ZRANB3: variants seen among roughly 807,000 people sequenced by gnomAD.
The protein encoded by ZRANB3 is DNA annealing helicase and endonuclease ZRANB3.
Under a neutral mutation model 133.8 loss-of-function variants are expected in ZRANB3, and 125 were observed. That is an observed-to-expected ratio of 0.93 (90% CI 0.81 to 1.08). The LOEUF (loss-of-function observed/expected upper bound fraction) is 1.08. Ranked by LOEUF, ZRANB3 falls within the 50% of genes least tolerant of loss-of-function variation. ZRANB3 has a pLI of 0.00. For synonymous variants in ZRANB3, 387 were observed against 432.7 expected, an observed-to-expected ratio of 0.89 and a Z score of 1.31; for missense variants, 1,229 against 1,275.5, an observed-to-expected ratio of 0.96 and a Z score of 0.56.
At chr2:135,477,931 T>C (rs115342369) in intron 2 of ZRANB3, among the ~76,000 whole-genome samples, 1 of 152,066 alleles carries the variant, frequency 6.6e-6, no homozygotes, top group East Asian at 1.9e-4. Flanking sequence ...GAAGGTTGCA[T>C]TGAGCCATGA....
At chr2:135,410,382 G>C (rs1688250796) in intron 2 of ZRANB3, among the ~76,000 whole-genome samples, 1 of 152,072 alleles carries the variant, frequency 6.6e-6, no homozygotes, top group South Asian at 2.1e-4. Context: ...ACAAGCAATG[G>C]GGAAAGGACT....
At chr2:135,461,149 T>A (rs946644640) in intron 2 of ZRANB3, among the ~76,000 whole-genome samples, 10 of 152,196 alleles carry the variant, frequency 6.6e-5, no homozygotes, top group African/African-American at 2.4e-4. Context: ...GTGAAAACTT[T>A]ATATAATCAC....
intron 15 of ZRANB3, among the ~76,000 whole-genome samples, chr2:135,221,861 G>A (rs1251211684): frequency 6.6e-6 from 1 of 152,156 alleles, no homozygotes; most frequent in Non-Finnish European, 1.5e-5. Context: ...GGTTCTTGGT[G>A]TCTCTCTCTC....
At chr2:135,471,267 T>C (rs1000189415) in intron 2 of ZRANB3, among the ~76,000 whole-genome samples, 1 of 152,200 alleles carries the variant, frequency 6.6e-6, no homozygotes, top group African/African-American at 2.4e-5. Flanking sequence ...CTGGTATTCT[T>C]GGGATCTTTC....
intron 12 of ZRANB3, among the ~76,000 whole-genome samples, chr2:135,260,789 C>T (rs1321393235): frequency 1.4e-5 from 2 of 142,738 alleles, no homozygotes; most frequent in East Asian, 2.0e-4. Context: ...ATTCTATATA[C>T]TATATATATT....
At chr2:135,224,370 G>A in intron 15 of ZRANB3, 56 bp downstream of exon 15, 2 of 1,384,248 alleles carry the variant, frequency 1.4e-6, no homozygotes, top group South Asian at 1.4e-5. Flanking sequence ...CCACTGAAAA[G>A]TGAAAAAAGG....
At chr2:135,386,746 A>C (rs772080666) in intron 3 of ZRANB3, among the ~76,000 whole-genome samples, 5 of 152,222 alleles carry the variant, frequency 3.3e-5, no homozygotes, top group Non-Finnish European at 7.3e-5. Context: ...ACAAAGACAG[A>C]AAACTAAACA....
intron 6 of ZRANB3, among the ~76,000 whole-genome samples, chr2:135,338,064 A>G (rs1684449107): frequency 6.6e-6 from 1 of 152,154 alleles, no homozygotes; most frequent in African/African-American, 2.4e-5. Context: ...TACTATGTCA[A>G]TTTTCAGAGC....
chr2:135,270,754 C>A (rs1178510285), intron 10 of ZRANB3, among the ~76,000 whole-genome samples: 1 of 152,212 alleles, frequency 6.6e-6, no homozygotes, highest in African/African-American at 2.4e-5. Flanking sequence ...ATTTTATATA[C>A]TTTAATTAGC....
intron 2 of ZRANB3, among the ~76,000 whole-genome samples, chr2:135,399,234 C>A (rs1313864406): frequency 6.6e-6 from 1 of 152,196 alleles, no homozygotes; most frequent in African/African-American, 2.4e-5. Flanking sequence ...GAAGCAACCT[C>A]TGGACCTGCT....
chr2:135,507,936 T>A (rs1693267871), intron 1 of ZRANB3, among the ~76,000 whole-genome samples: 1 of 146,764 alleles, frequency 6.8e-6, no homozygotes, highest in Non-Finnish European at 1.5e-5. Context: ...CGAGACTCTA[T>A]CAAGAAAAGA....
intron 2 of ZRANB3, among the ~76,000 whole-genome samples, chr2:135,438,977 T>C (rs1273272543): frequency 6.6e-6 from 1 of 152,218 alleles, no homozygotes; most frequent in African/African-American, 2.4e-5. Context: ...GGCTGAAATA[T>C]ATTTACCTTA....
intron 1 of ZRANB3, among the ~76,000 whole-genome samples, chr2:135,513,155 C>T (rs1693544051): frequency 6.6e-6 from 1 of 152,072 alleles, no homozygotes; most frequent in Non-Finnish European, 1.5e-5. Flanking sequence ...CTAAAATGGG[C>T]TTATTTCAGG....
intron 2 of ZRANB3, among the ~76,000 whole-genome samples, chr2:135,501,406 A>G (rs1261723034): frequency 6.6e-6 from 1 of 152,140 alleles, no homozygotes; most frequent in African/African-American, 2.4e-5. Flanking sequence ...TAGCACTATT[A>G]TTCTTTGTCT....
chr2:135,441,422 A>G (rs1339771057), intron 2 of ZRANB3, among the ~76,000 whole-genome samples: 5 of 152,130 alleles, frequency 3.3e-5, no homozygotes, highest in African/African-American at 1.2e-4. Flanking sequence ...CATTCTCAGA[A>G]AAACAAAAAC....
In ZRANB3 at chr2:135,202,963, G is replaced by A. The variant is rs767436995; in HGVS notation, c.3010C>T (p.Leu1004=). The change falls in exon 20 of 21, where the codon CTA becomes TTA. Residue 1004 remains leucine (L), a splice_region_variant and synonymous_variant. Coordinates refer to ENST00000264159, the MANE Select transcript of ZRANB3 (RefSeq NM_032143.4). ...TWTSKLPLEQ[L]NEMIRNPGEG... ...CCTGGGTTTCTTATCATTTCATTTA[G>A]CTGCAATAAGAATACAAGATCAGCA... 8 of 1,611,452 alleles carry A rather than the reference G, an allele frequency of 5.0e-6. No homozygotes were observed. The highest frequency in any genetic ancestry group is 6.8e-6 in the Non-Finnish European group (8 of 1,178,708).
intron 6 of ZRANB3, among the ~76,000 whole-genome samples, chr2:135,325,144 G>A (rs1296455154): frequency 1.3e-5 from 2 of 152,100 alleles, no homozygotes; most frequent in Admixed American, 1.3e-4. Context: ...AAGTTGACAA[G>A]CTGATACAGA....
intron 2 of ZRANB3, among the ~76,000 whole-genome samples, chr2:135,448,398 A>C (rs1489983276): frequency 6.6e-6 from 1 of 152,206 alleles, no homozygotes; most frequent in Non-Finnish European, 1.5e-5. Context: ...TTATGATGAA[A>C]CTTCAATCAC....
chr2:135,338,471 C>T (rs780111452), intron 6 of ZRANB3, among the ~76,000 whole-genome samples: 1 of 152,216 alleles, frequency 6.6e-6, no homozygotes. Flanking sequence ...CACAGTGCCG[C>T]GTGGCTTCTA....
Sources: allele counts gnomAD v4.1 joint callset (sites outside exome capture counted in the v4.1 genomes callset), GRCh38; gene constraint gnomAD v4.1.1; transcripts MANE v1.5; gene names NCBI Gene and HGNC (gene_info 2026-07-23, HGNC 2026-07-21).